Variants in SPIDR observed in about 807,000 individuals in gnomAD.
The protein encoded by SPIDR is DNA repair-scaffolding protein.
A neutral mutation model predicts 104.6 loss-of-function variants in SPIDR; 93 were observed. The ratio of observed to expected loss-of-function variants is 0.89; its 90% CI spans 0.75 to 1.06. The LOEUF (loss-of-function observed/expected upper bound fraction) is 1.06. Ranked by LOEUF, SPIDR falls within the 50% of genes least tolerant of loss-of-function variation. The pLI is 0.00. For missense variants in SPIDR, 1,154 were observed against 1,111.2 expected (o/e 1.04, Z -0.55); for synonymous variants, 431 against 416.9 (o/e 1.03, Z -0.41).
intron 7 of SPIDR, among the ~76,000 whole-genome samples, chr8:47,418,095 C>G (rs1450944865): frequency 6.6e-6 from 1 of 152,000 alleles, no homozygotes; most frequent in Non-Finnish European, 1.5e-5. Context: ...TAGGATTGAC[C>G]TGGCAATGCG....
At chr8:47,597,655 CAT>C (rs371174146) in intron 9 of SPIDR, among the ~76,000 whole-genome samples, 2 of 152,144 alleles carry the variant, frequency 1.3e-5, no homozygotes, top group African/African-American at 4.8e-5. Flanking sequence ...TTTAAAAAAT[CAT>C]ATTTTGCTTT....
At chr8:47,380,206 G>A (rs1391790397) in intron 5 of SPIDR, among the ~76,000 whole-genome samples, 4 of 152,186 alleles carry the variant, frequency 2.6e-5, no homozygotes, top group Admixed American at 2.0e-4. Flanking sequence ...ACAGCAACGC[G>A]TGCTGCCCCT....
chr8:47,343,305 C>T (rs183379912), intron 5 of SPIDR, among the ~76,000 whole-genome samples: 5 of 152,190 alleles, frequency 3.3e-5, no homozygotes, highest in Non-Finnish European at 7.4e-5. Flanking sequence ...GGGAGAGACT[C>T]GAGTCTCTTC....
At chr8:47,308,779 G>C (rs782556197) in intron 5 of SPIDR, among the ~76,000 whole-genome samples, 1 of 152,122 alleles carries the variant, frequency 6.6e-6, no homozygotes, top group African/African-American at 2.4e-5. Flanking sequence ...TGGAAGAGAG[G>C]GTCCTTTTTG....
rs539946015 is a variant in SPIDR at position 47,641,236 on chromosome 8, G to A, written c.1545-32565G>A. ...GTGCAGTGACATGATCATAGCTTAC[G>A]GCACCCTCCAACCCCTGTCCTCAAG... is the stretch of plus-strand genomic sequence containing the variant. On this transcript the variant is annotated intron_variant, in intron 10 of 19. Transcript: ENST00000297423. 3.0e-3 allele frequency among the ~76,000 whole-genome samples: 461 copies of A among 151,912 alleles called. 2 individuals carry two copies. The highest frequency in any genetic ancestry group is 0.011 in the African/African-American group (441 of 41,436).
intron 8 of SPIDR, among the ~76,000 whole-genome samples, chr8:47,491,346 C>A (rs572076450): frequency 6.6e-6 from 1 of 151,822 alleles, no homozygotes; most frequent in African/African-American, 2.4e-5. Flanking sequence ...AAATAAAATT[C>A]TGTTTATTTA....
chr8:47,519,271 A>G (rs1008920566), intron 8 of SPIDR, among the ~76,000 whole-genome samples: 1 of 152,064 alleles, frequency 6.6e-6, no homozygotes, highest in African/African-American at 2.4e-5. Context: ...CAGCCTCCTG[A>G]GTAGCTGGGA....
intron 8 of SPIDR, among the ~76,000 whole-genome samples, chr8:47,553,938 G>T (rs1192814974): frequency 6.6e-6 from 1 of 152,132 alleles, no homozygotes; most frequent in Non-Finnish European, 1.5e-5. Context: ...TGGTGTGGAT[G>T]TCCTTCCTGT....
rs2080232110 is a variant in SPIDR at position 47,701,845 on chromosome 8, G to A, written c.1898G>A (p.Cys633Tyr). 6.2e-7 allele frequency: 1 copy of A among 1,614,100 alleles called. No individual in the cohort carries two copies. ...CTTTACCAGCCTCCAGTTACCCGCTGCTTAAGAGACATTCTCCAGGTAATG... is the reference window on the plus strand; with the variant it reads ...CTTTACCAGCCTCCAGTTACCCGCTACTTAAGAGACATTCTCCAGGTAATG... ...YKLYQPPVTRCLRDILQMNDL... is the reference protein window; with the variant it reads ...YKLYQPPVTRYLRDILQMNDL... Residue 633 changes from cysteine to tyrosine, a missense_variant, in exon 13 of 20, where the codon TGC becomes TAC. Transcript: ENST00000297423.
chr8:47,661,638 T>C (rs140224071), intron 10 of SPIDR, among the ~76,000 whole-genome samples: 19 of 152,386 alleles, frequency 1.2e-4, no homozygotes, highest in African/African-American at 4.3e-4. Flanking sequence ...TGCTGGTGTC[T>C]GCTGGTTGTC....
chr8:47,478,234 T>C (rs1374563583), intron 8 of SPIDR, among the ~76,000 whole-genome samples: 2 of 152,194 alleles, frequency 1.3e-5, no homozygotes, highest in African/African-American at 4.8e-5. Flanking sequence ...CAAACACACC[T>C]CTGAGGAAGC....
intron 8 of SPIDR, among the ~76,000 whole-genome samples, chr8:47,581,349 T>TA (rs2059675692): frequency 6.6e-6 from 1 of 152,150 alleles, no homozygotes; most frequent in South Asian, 2.1e-4. Flanking sequence ...AATTGAAAAA[T>TA]AATGTTTTCC....
chr8:47,511,213 T>A, intron 8 of SPIDR: 2 of 1,592,190 alleles, frequency 1.3e-6, no homozygotes, highest in Non-Finnish European at 1.7e-6. Context: ...GTGGTTAAAT[T>A]TCTGCACCAG....
At chr8:47,663,260 C>T (rs1170073258) in intron 10 of SPIDR, among the ~76,000 whole-genome samples, 1 of 152,226 alleles carries the variant, frequency 6.6e-6, no homozygotes, top group Non-Finnish European at 1.5e-5. Flanking sequence ...CATCCCACCA[C>T]CCCAGTGCTA....
At chr8:47,420,940 C>T (rs1278998615) in intron 7 of SPIDR, among the ~76,000 whole-genome samples, 3 of 152,208 alleles carry the variant, frequency 2.0e-5, no homozygotes, top group African/African-American at 7.2e-5. Context: ...TATTGGCCCC[C>T]ATTATCTTCT....
intron 10 of SPIDR, among the ~76,000 whole-genome samples, chr8:47,616,437 C>G (rs1338379735): frequency 1.3e-5 from 2 of 152,050 alleles, no homozygotes; most frequent in Non-Finnish European, 2.9e-5. Flanking sequence ...ATTTTATATA[C>G]TATATAGTTA....
chr8:47,645,433 C>T (rs773221908), intron 10 of SPIDR, among the ~76,000 whole-genome samples: 1 of 151,884 alleles, frequency 6.6e-6, no homozygotes, highest in Non-Finnish European at 1.5e-5. Flanking sequence ...CTAGTGATGG[C>T]CTTGTTGAGG....
chr8:47,499,027 A>G (rs1358272190), intron 8 of SPIDR, among the ~76,000 whole-genome samples: 1 of 152,172 alleles, frequency 6.6e-6, no homozygotes, highest in Non-Finnish European at 1.5e-5. Context: ...GTTTTCCTTC[A>G]GTTAACTTTC....
chr8:47,726,583 T>C (rs1359119232), intron 16 of SPIDR, among the ~76,000 whole-genome samples: 1 of 152,138 alleles, frequency 6.6e-6, no homozygotes, highest in African/African-American at 2.4e-5. Flanking sequence ...GTGTGCAGAG[T>C]TGGCTGAGGC....
Sources: gnomAD v4.1 joint callset for allele counts (sites outside exome capture counted in the v4.1 genomes callset) on GRCh38, gnomAD v4.1.1 for gene constraint, MANE v1.5 for transcripts, NCBI Gene and HGNC (gene_info 2026-07-23, HGNC 2026-07-21) for gene names.